Variants in CTNNA2 observed in about 807,000 individuals in gnomAD.
The protein encoded by CTNNA2 is catenin alpha 2, also known as catenin alpha-2.
In CTNNA2, 42 loss-of-function variants were observed where a neutral mutation model predicts 101.0. The ratio of observed to expected loss-of-function variants is 0.42; its 90% CI spans 0.32 to 0.54. CTNNA2 has a LOEUF of 0.54. Ranked by LOEUF, CTNNA2 falls within the 20% of genes least tolerant of loss-of-function variation. The pLI is 0.14. For missense variants in CTNNA2, 871 were observed against 1,223.1 expected, an observed-to-expected ratio of 0.71 and a Z score of 4.29; for synonymous variants, 450 against 456.4, an observed-to-expected ratio of 0.99 and a Z score of 0.18.
intron 1 of CTNNA2, among the ~76,000 whole-genome samples, chr2:79,187,836 C>T (rs537066965): frequency 1.3e-5 from 2 of 152,210 alleles, no homozygotes; most frequent in South Asian, 4.2e-4. Context: ...CAAACATAAG[C>T]CCATTTTCTG....
chr2:79,608,187 A>G (rs1678024790), intron 1 of CTNNA2, among the ~76,000 whole-genome samples: 1 of 152,046 alleles, frequency 6.6e-6, no homozygotes, highest in Non-Finnish European at 1.5e-5. Context: ...AAATTCTTTC[A>G]AGGTCACAGA....
chr2:80,551,458 GA>G (rs1392964462), intron 11 of CTNNA2, among the ~76,000 whole-genome samples: 1 of 152,194 alleles, frequency 6.6e-6, no homozygotes, highest in African/African-American at 2.4e-5. Context: ...TGTCAACATT[GA>G]AAACTTGTTT....
intron 4 of CTNNA2, among the ~76,000 whole-genome samples, chr2:79,416,290 A>G (rs545299698): frequency 1.9e-4 from 28 of 145,568 alleles, no homozygotes; most frequent in African/African-American, 5.6e-4. Flanking sequence ...TTGGCCAATA[A>G]AAAGCAATGT....
At chr2:79,470,929 C>T (rs748481188) in intron 4 of CTNNA2, among the ~76,000 whole-genome samples, 4 of 152,098 alleles carry the variant, frequency 2.6e-5, no homozygotes, top group Non-Finnish European at 5.9e-5. Context: ...AATGTCTCTT[C>T]ATGAAATACA....
At position 80,555,766 on chromosome 2, in the gene CTNNA2, G is replaced by T. The variant is rs374667703; in HGVS notation, c.1614G>T (p.Arg538=). 6.3e-7 allele frequency: 1 copy of T among 1,598,452 alleles called. No homozygotes were observed. The highest frequency in any genetic ancestry group is 1.7e-5 in the Admixed American group (1 of 57,814). ...LQEGDVDTLD[R]TAGAIRGRAA... Reference sequence around the variant, plus strand: ...AGGGCGATGTGGACACTCTGGACCGGACTGCAGGGGCCATCAGGGGCCGGG... The same window carrying T: ...AGGGCGATGTGGACACTCTGGACCGTACTGCAGGGGCCATCAGGGGCCGGG... Residue 538 remains arginine (R), a synonymous_variant, in exon 12 of 19, where the codon CGG becomes CGT. Coordinates refer to ENST00000402739, the MANE Select transcript of CTNNA2 (RefSeq NM_001282597.3).
chr2:80,070,639 C>G (rs1370934129), intron 7 of CTNNA2, among the ~76,000 whole-genome samples: 1 of 151,878 alleles, frequency 6.6e-6, no homozygotes, highest in Non-Finnish European at 1.5e-5. Context: ...ATCGCTTGAG[C>G]CTGGGAGGTC....
At chr2:79,514,328 TA>T (rs1164856777) in intron 1 of CTNNA2, among the ~76,000 whole-genome samples, 4 of 152,222 alleles carry the variant, frequency 2.6e-5, no homozygotes, top group Non-Finnish European at 4.4e-5. Context: ...TTAGCTGCAT[TA>T]GAGCCTTTAA....
chr2:80,417,201 T>C (rs1680118774), intron 8 of CTNNA2, among the ~76,000 whole-genome samples: 1 of 151,686 alleles, frequency 6.6e-6, no homozygotes, highest in African/African-American at 2.4e-5. Context: ...TTTTAATATA[T>C]GTATATATTA....
At chr2:79,840,433 TTTTC>T (rs1230653889) in intron 3 of CTNNA2, among the ~76,000 whole-genome samples, 1 of 152,180 alleles carries the variant, frequency 6.6e-6, no homozygotes, top group East Asian at 1.9e-4. Flanking sequence ...GCTAATTTCT[TTTTC>T]TTTCTTGTAT....
At chr2:79,693,106 TA>T (rs1684425269) in intron 2 of CTNNA2, among the ~76,000 whole-genome samples, 1 of 152,050 alleles carries the variant, frequency 6.6e-6, no homozygotes, top group South Asian at 2.1e-4. Flanking sequence ...GCAGAAAATT[TA>T]GACATAAAGA....
chr2:80,554,150 C>T (rs1258649007), intron 11 of CTNNA2, among the ~76,000 whole-genome samples: 1 of 151,924 alleles, frequency 6.6e-6, no homozygotes, highest in African/African-American at 2.4e-5. Context: ...ATCCTGTGTC[C>T]TAAAAATATA....
Position 80,648,766 on chromosome 2 carries a change from C to A in CTNNA2, c.*894C>A, listed in dbSNP as rs1674388794. 1 of 151,992 alleles carries A rather than the reference C, an allele frequency of 6.6e-6. No homozygotes were observed. Among genetic ancestry groups the A allele is most frequent in the Non-Finnish European group, 1.5e-5 (1 of 67,992 alleles). 9.4% of individuals were successfully genotyped at this position (151,992 alleles called of 1,614,324 possible). A position where few individuals can be genotyped will look rare whatever the true frequency, so the allele number is the denominator to read the frequency against. On this transcript the variant is annotated 3_prime_UTR_variant, in exon 19 of 19. Coordinates refer to ENST00000402739, the MANE Select transcript of CTNNA2 (RefSeq NM_001282597.3). ...TATTCACTAACTAACTCAAAATAAACACATTTAATCTTGACATCTCAAGTA... is the reference window on the plus strand; with the variant it reads ...TATTCACTAACTAACTCAAAATAAAAACATTTAATCTTGACATCTCAAGTA...
chr2:79,269,323 C>A (rs886303618), intron 2 of CTNNA2, among the ~76,000 whole-genome samples: 1 of 152,118 alleles, frequency 6.6e-6, no homozygotes, highest in Non-Finnish European at 1.5e-5. Flanking sequence ...CAAACTTGTG[C>A]CGAAGTCAGC....
At chr2:80,095,089 A>C (rs1352430603) in intron 7 of CTNNA2, among the ~76,000 whole-genome samples, 1 of 152,214 alleles carries the variant, frequency 6.6e-6, no homozygotes, top group Non-Finnish European at 1.5e-5. Flanking sequence ...GCCAGTTTTC[A>C]AAGGGAATGC....
At chr2:80,104,548 GT>G (rs1700761700) in intron 7 of CTNNA2, among the ~76,000 whole-genome samples, 2 of 152,194 alleles carry the variant, frequency 1.3e-5, no homozygotes, top group African/African-American at 4.8e-5. Context: ...TGTTACACTA[GT>G]CATTCATGAG....
At chr2:80,280,820 C>T (rs566679208) in intron 7 of CTNNA2, among the ~76,000 whole-genome samples, 1 of 152,148 alleles carries the variant, frequency 6.6e-6, no homozygotes, top group African/African-American at 2.4e-5. Flanking sequence ...ATTGTATATG[C>T]TCCCTGCCTG....
chr2:80,522,226 T>C lies in CTNNA2; in HGVS notation c.1291-22756T>C, dbSNP rs1457147532. On this transcript the variant is annotated intron_variant, in intron 9 of 18. Coordinates refer to ENST00000402739, the MANE Select transcript of CTNNA2 (RefSeq NM_001282597.3). The stretch of plus-strand genomic sequence containing the variant: ...GAGAGAGTCAGCTCTGTCAGGGTGA[T>C]TGGTAGTTAGTGTGAGCCTCAGCTG... Among the ~76,000 whole-genome samples, 3 of 152,056 alleles carry C rather than the reference T, an allele frequency of 2.0e-5. No homozygotes were observed. The East Asian group carries it at 5.8e-4, about 29-fold the overall frequency.
intron 4 of CTNNA2, among the ~76,000 whole-genome samples, chr2:79,442,466 T>G (rs1678787228): frequency 6.6e-6 from 1 of 152,200 alleles, no homozygotes; most frequent in Non-Finnish European, 1.5e-5. Context: ...ATTTTTGAAA[T>G]TTGGCATGAA....
intron 9 of CTNNA2, among the ~76,000 whole-genome samples, chr2:80,512,149 CAAAAAAAAAAA>C (rs59359924): frequency 8.2e-5 from 6 of 73,506 alleles, no homozygotes; most frequent in African/African-American, 1.8e-4. Context: ...CACTCTGTCT[CAAAAAAAAAAA>C]AAAAAAAAAA....
Sources: gnomAD v4.1 joint callset for allele counts (sites outside exome capture counted in the v4.1 genomes callset) on GRCh38, gnomAD v4.1.1 for gene constraint, MANE v1.5 for transcripts, NCBI Gene and HGNC (gene_info 2026-07-23, HGNC 2026-07-21) for gene names.